NSUN2: variants seen among roughly 807,000 people sequenced by gnomAD.
The protein encoded by NSUN2 is RNA cytosine C(5)-methyltransferase NSUN2.
NSUN2 carries 63 observed loss-of-function variants against 92.7 expected under a neutral mutation model. The observed-to-expected ratio is 0.68, with a 90% CI of 0.56 to 0.84. The LOEUF (loss-of-function observed/expected upper bound fraction) is 0.84, where lower values mean the gene tolerates loss of function less well. NSUN2 is among the 40% of genes least tolerant of loss of function. NSUN2 has a pLI of 0.00. For missense variants in NSUN2, 989 were observed against 964.9 expected (o/e 1.02, Z -0.33); for synonymous variants, 356 against 348.3 (o/e 1.02, Z -0.25).
In NSUN2 at chr5:6,609,926, A is replaced by AAT. The variant is rs759187844; in HGVS notation, c.1227-6_1227-5dup. The AAT allele has an allele frequency of 1.3e-4, 197 of 1,560,550 alleles. No homozygotes were observed. The highest frequency in any genetic ancestry group is 2.5e-4 in the South Asian group (22 of 88,194). On this transcript the variant is annotated splice_polypyrimidine_tract_variant and splice_region_variant and intron_variant, in intron 11 of 18. Coordinates refer to ENST00000264670, the MANE Select transcript of NSUN2 (RefSeq NM_017755.6). ...ATGATGGGGTAATATCCTAAGGCTA[A>AAT]ATATATATATATAATTCACACCTCT... is the stretch of plus-strand genomic sequence containing the variant.
intron 3 of NSUN2, among the ~76,000 whole-genome samples, chr5:6,628,221 G>A (rs1470907572): frequency 6.6e-6 from 1 of 152,120 alleles, no homozygotes. Context: ...GGTGATGGGG[G>A]CATGTAATCC....
At chr5:6,626,607 C>A (rs1210449021) in intron 3 of NSUN2, among the ~76,000 whole-genome samples, 1 of 152,160 alleles carries the variant, frequency 6.6e-6, no homozygotes, top group Non-Finnish European at 1.5e-5. Context: ...CATCAGTCTC[C>A]CAAAGTGTTG....
chr5:6,602,119 C>T (rs1275027477), intron 18 of NSUN2, among the ~76,000 whole-genome samples: 1 of 152,198 alleles, frequency 6.6e-6, no homozygotes, highest in Non-Finnish European at 1.5e-5. Flanking sequence ...GCCATGAGGA[C>T]AAAAGAACGG....
chr5:6,607,027 G>A, intron 13 of NSUN2, 115 bp from the exon 14 acceptor site: 1 of 957,192 alleles, frequency 1.0e-6, no homozygotes, highest in Non-Finnish European at 1.6e-6. Flanking sequence ...GTTTGCGGCA[G>A]ATGTTGAAAC....
intron 9 of NSUN2, 104 bp from the exon 10 acceptor site, chr5:6,611,902 G>T: frequency 9.6e-7 from 1 of 1,038,420 alleles, no homozygotes; most frequent in Non-Finnish European, 1.4e-6. Context: ...ATGATTCCAT[G>T]TACAGAAAAT....
At chr5:6,616,092 C>A (rs966803767) in intron 9 of NSUN2, among the ~76,000 whole-genome samples, 1 of 152,118 alleles carries the variant, frequency 6.6e-6, no homozygotes, top group African/African-American at 2.4e-5. Flanking sequence ...ATGGTGGGGT[C>A]CCCCCAAAAT....
chr5:6,614,784 C>T (rs572783570), intron 9 of NSUN2, among the ~76,000 whole-genome samples: 1 of 152,194 alleles, frequency 6.6e-6, no homozygotes, highest in Non-Finnish European at 1.5e-5. Context: ...ATGAGACAGG[C>T]AAACAGCAAG....
rs1389759804 is a variant in NSUN2, at chr5:6,606,881, C to T, written c.1540G>A (p.Gly514Arg). 1.3e-6 allele frequency: 2 copies of T among 1,592,552 alleles called. No individual in the cohort carries two copies. Among genetic ancestry groups the T allele is most frequent in the Non-Finnish European group, 1.7e-6 (2 of 1,161,294 alleles). The change falls in exon 14 of 19, where the codon GGA becomes AGA. Residue 514 changes from glycine to arginine, a missense_variant. This residue lies in a region of NSUN2 where 626 missense variants were observed against 602.3 expected (regional missense o/e 1.04). Coordinates refer to ENST00000264670, the MANE Select transcript of NSUN2 (RefSeq NM_017755.6). Reference sequence around the variant, plus strand: ...AATACAAATGGATCTTCTTTAAATCCAAATAACTTCATTTTCTTTGATGGA... The same window carrying T: ...AATACAAATGGATCTTCTTTAAATCTAAATAACTTCATTTTCTTTGATGGA... ...PPPSKKMKLF[G>R]FKEDPFVFIP...
Position 6,633,043 on chromosome 5 carries a change from A to T in NSUN2, c.-64T>A. 2 of 1,365,546 alleles carry T rather than the reference A, an allele frequency of 1.5e-6. No homozygotes were observed. Among genetic ancestry groups the T allele is most frequent in the East Asian group, 6.0e-5 (2 of 33,440 alleles). 84.6% of individuals were successfully genotyped at this position (1,365,546 alleles called of 1,614,324 possible). On this transcript the variant is annotated 5_prime_UTR_variant, in exon 1 of 19. Transcript: ENST00000264670. ...CCGCCACGGCCAGAACTCTAGCCCT[A>T]CACCTCCCGGGACTTCCGGCCGGAA...
At chr5:6,600,484 G>A (rs1736504926) in intron 18 of NSUN2, among the ~76,000 whole-genome samples, 1 of 152,054 alleles carries the variant, frequency 6.6e-6, no homozygotes, top group Non-Finnish European at 1.5e-5. Flanking sequence ...TGGAGTAGAG[G>A]CCCCAAATCT....
chr5:6,614,116 A>C (rs1737116523), intron 9 of NSUN2, among the ~76,000 whole-genome samples: 2 of 49,784 alleles, frequency 4.0e-5, no homozygotes, highest in Non-Finnish European at 8.8e-5. Context: ...AAAAAAAAAA[A>C]AAAAAACCCA....
intron 17 of NSUN2, among the ~76,000 whole-genome samples, chr5:6,603,291 C>T (rs1355856005): frequency 6.6e-6 from 1 of 152,244 alleles, no homozygotes; most frequent in Admixed American, 6.5e-5. Flanking sequence ...TCTACTCCAG[C>T]TGGCTAGCAG....
chr5:6,611,867 A>C, intron 9 of NSUN2, 69 bp from the exon 10 acceptor site: 1 of 1,334,698 alleles, frequency 7.5e-7, no homozygotes, highest in Admixed American at 1.8e-5. Context: ...TCAGTGAAAA[A>C]AACCAGACAC....
intron 17 of NSUN2, among the ~76,000 whole-genome samples, chr5:6,602,743 A>C (rs898477032): frequency 6.6e-6 from 1 of 152,252 alleles, no homozygotes; most frequent in Non-Finnish European, 1.5e-5. Context: ...CAGGGACTTC[A>C]AGGGATGTCA....
At chr5:6,625,087 A>G (rs1469577978) in intron 4 of NSUN2, among the ~76,000 whole-genome samples, 1 of 151,486 alleles carries the variant, frequency 6.6e-6, no homozygotes, top group Non-Finnish European at 1.5e-5. Context: ...GGTTACCAAG[A>G]GCAATGTGTG....
chr5:6,612,369 C>CAAGTTCGTGGTCCCAGGAAGT (rs1339997211), intron 9 of NSUN2, among the ~76,000 whole-genome samples: 1 of 152,204 alleles, frequency 6.6e-6, no homozygotes, highest in East Asian at 1.9e-4. Context: ...TTTTAAACCT[C>CAAGTTCGTGGTCCCAGGAAGT]AAGTTCGTGG....
intron 3 of NSUN2, among the ~76,000 whole-genome samples, chr5:6,627,844 A>G (rs1044246724): frequency 1.3e-5 from 2 of 152,260 alleles, no homozygotes; most frequent in African/African-American, 4.8e-5. Context: ...TGTAGATTTT[A>G]ACATCAAACA....
chr5:6,604,713 C>G (rs1463307396), intron 15 of NSUN2, 28 bp from the exon 16 acceptor site: 5 of 1,576,772 alleles, frequency 3.2e-6, no homozygotes, highest in Non-Finnish European at 8.7e-7. Context: ...AGATGAAACA[C>G]AGAGAGATGA....
intron 18 of NSUN2, among the ~76,000 whole-genome samples, chr5:6,601,871 G>A (rs977805967): frequency 4.6e-5 from 7 of 152,170 alleles, no homozygotes; most frequent in Admixed American, 4.6e-4. Flanking sequence ...CCACTCGTGA[G>A]CTGAGGAGCT....
Sources: gnomAD v4.1 joint callset for allele counts (sites outside exome capture counted in the v4.1 genomes callset) on GRCh38, gnomAD v4.1.1 for gene constraint, gnomAD v4.1.1 regional missense constraint, MANE v1.5 for transcripts, NCBI Gene and HGNC (gene_info 2026-07-23, HGNC 2026-07-21) for gene names.